HOXC13: variants seen among roughly 807,000 people sequenced by gnomAD.
The protein encoded by HOXC13 is homeobox protein Hox-C13.
Under a neutral mutation model 25.9 loss-of-function variants are expected in HOXC13, and 10 were observed. The ratio of observed to expected loss-of-function variants is 0.39; its 90% confidence interval spans 0.24 to 0.65. The LOEUF is 0.65. HOXC13 is among the 30% of genes least tolerant of loss of function. The probability of loss-of-function intolerance (pLI) is 0.50; values close to 1 mark genes in which losing one functional copy is unlikely to be tolerated. For missense variants in HOXC13, 439 were observed against 478.3 expected (o/e 0.92, Z 0.77); for synonymous variants, 233 against 217.1 (o/e 1.07, Z -0.64).
At chr12:53,944,845 A>C (rs1352057656) in intron 1 of HOXC13, among the ~76,000 whole-genome samples, 155 bp from the exon 2 acceptor site, 3 of 152,214 alleles carry the variant, frequency 2.0e-5, no homozygotes, top group African/African-American at 4.8e-5. Context: ...TGCTAAAATA[A>C]CAGAAATGAA....
Position 53,945,194 on chromosome 12 carries a change from C to G in HOXC13, c.931C>G (p.Arg311Gly). Residue 311 changes from arginine to glycine, a missense_variant, in exon 2 of 2, where the codon CGG (arginine) becomes GGG (glycine). Physicochemically the swap from Arg to Gly is moderately radical, Grantham distance 125. Transcript: ENST00000243056. The surrounding 1 kb of genome is among the most constrained non-coding windows in gnomAD (Gnocchi z 4.4). ...CCAGGTAACCATCTGGTTCCAGAAC[C>G]GGCGGGTCAAAGAGAAGAAGGTGGT... ...ERQVTIWFQN[R>G]RVKEKKVVSK... 6.2e-7 allele frequency: 1 copy of G among 1,614,174 alleles called. No homozygotes were observed. Among genetic ancestry groups the G allele is most frequent in the Non-Finnish European group, 8.5e-7 (1 of 1,180,032 alleles).
At chr12:53,942,177 TTTTTTTTTTTTTTTGA>T (rs1938622424) in intron 1 of HOXC13, among the ~76,000 whole-genome samples, 2 of 78,048 alleles carry the variant, frequency 2.6e-5, no homozygotes, top group Admixed American at 1.4e-4. Context: ...TTTTTTTTTT[TTTTTTTTTTTTTTTGA>T]GAGAGAGAGA....
chr12:53,941,433 G>A (rs1337078502), intron 1 of HOXC13, among the ~76,000 whole-genome samples: 1 of 152,234 alleles, frequency 6.6e-6, no homozygotes, highest in African/African-American at 2.4e-5. Flanking sequence ...AATGTGCAAT[G>A]GGTTTAGTGT....
intron 1 of HOXC13, among the ~76,000 whole-genome samples, chr12:53,940,457 C>A (rs1006734925): frequency 6.6e-6 from 1 of 152,214 alleles, no homozygotes; most frequent in African/African-American, 2.4e-5. Flanking sequence ...CTGTTCAAGA[C>A]CTGTTCAGGG....
chr12:53,942,154 C>CTTTTTTTTTTTTTTTTTT (rs56678098), intron 1 of HOXC13, among the ~76,000 whole-genome samples: 1 of 39,336 alleles, frequency 2.5e-5, no homozygotes, highest in African/African-American at 1.2e-4. Flanking sequence ...TGAGTGTAGA[C>CTTTTTTTTTTTTTTTTTT]TTTTTTTTTT....
In HOXC13 at chr12:53,945,371, A is replaced by C. The variant is rs1938677147; in HGVS notation, c.*115A>C. 2.3e-6 allele frequency: 3 copies of C among 1,294,134 alleles called. 1 individual carries two copies. In the Admixed American group the frequency reaches 6.3e-5, roughly 27 times the overall value. 80.2% of individuals were successfully genotyped at this position (1,294,134 alleles called of 1,614,324 possible). ...GTATTTAATGTTAAGGAAAGAGAAG[A>C]ACCGCGCCGCCCGGAGGCAGAGAGG... On this transcript the variant is annotated 3_prime_UTR_variant, in exon 2 of 2. Coordinates refer to ENST00000243056, the MANE Select transcript of HOXC13 (RefSeq NM_017410.3). The surrounding 1 kb of genome is among the most constrained non-coding windows in gnomAD (Gnocchi z 4.4).
chr12:53,943,439 G>T (rs1938643344), intron 1 of HOXC13, among the ~76,000 whole-genome samples: 1 of 152,100 alleles, frequency 6.6e-6, no homozygotes, highest in Admixed American at 6.5e-5. Context: ...TTAACCTAAA[G>T]GATCCATACT....
At position 53,939,170 on chromosome 12, in the gene HOXC13, T is replaced by C. The variant is rs993169503; in HGVS notation, c.264T>C (p.Pro88=). The C allele has an allele frequency of 1.5e-5, 23 of 1,498,694 alleles. No individual in the cohort carries two copies. Among genetic ancestry groups the C allele is most frequent in the East Asian group, 7.9e-5 (3 of 37,998 alleles). 92.8% of individuals were successfully genotyped at this position (1,498,694 alleles called of 1,614,324 possible). ...LGRPPAPLGA[P]QGAVYTDIPA... ...GCCCGCCGGCTCCCCTGGGCGCCCC[T>C]CAGGGCGCCGTCTATACGGACATCC... The change falls in exon 1 of 2, where the codon CCT becomes CCC. Residue 88 remains proline (P), a synonymous_variant. Coordinates refer to ENST00000243056, the MANE Select transcript of HOXC13 (RefSeq NM_017410.3). The surrounding 1 kb of genome is among the most constrained non-coding windows in gnomAD (Gnocchi z 6.7).
Position 53,939,898 on chromosome 12 carries a change from T to C in HOXC13, c.736+256T>C, listed in dbSNP as rs12581319. ...GAAAGCCGGGCCGCCGGCTCTGCTCTGTCCGGTAGCTCGCCTCCGCCTCCC... is the reference window on the plus strand; with the variant it reads ...GAAAGCCGGGCCGCCGGCTCTGCTCCGTCCGGTAGCTCGCCTCCGCCTCCC... On this transcript the variant is annotated intron_variant, in intron 1 of 1. Coordinates refer to ENST00000243056, the MANE Select transcript of HOXC13 (RefSeq NM_017410.3). This position sits in a 1 kb window ranked among gnomAD's most constrained non-coding sequence, Gnocchi z 6.7. Among the ~76,000 whole-genome samples, 23,122 of 152,276 alleles carry C rather than the reference T, an allele frequency of 0.15. 1,892 individuals are homozygous for C. The highest frequency in any genetic ancestry group is 0.32 in the South Asian group (1,567 of 4,822).
Position 53,945,960 on chromosome 12 carries a change from TC to T in HOXC13, c.*708del, listed in dbSNP as rs1456443538. 3.9e-5 allele frequency: 9 copies of T among 231,744 alleles called. No individual in the cohort carries two copies. The highest frequency in any genetic ancestry group is 2.0e-4 in the African/African-American group (9 of 45,278). 14.4% of individuals were successfully genotyped at this position (231,744 alleles called of 1,614,324 possible). On this transcript the variant is annotated 3_prime_UTR_variant, in exon 2 of 2. Coordinates refer to ENST00000243056, the MANE Select transcript of HOXC13 (RefSeq NM_017410.3). The surrounding 1 kb of genome is among the most constrained non-coding windows in gnomAD (Gnocchi z 4.4). ...TGGGAGCTGCCTTTGCCCCACTGCC[TC>T]CCCTGTTCTGCTCTCTCAGTCAACA...
Position 53,944,988 on chromosome 12 carries a change from A to G in HOXC13, c.737-12A>G, listed in dbSNP as rs1364601098. The G allele has an allele frequency of 6.2e-7, 1 of 1,612,498 alleles. No homozygotes were observed. The highest frequency in any genetic ancestry group is 8.5e-7 in the Non-Finnish European group (1 of 1,179,454). ...TGCCTCACTTCTTCCCGCTTGCCTT[A>G]TCTCCCCGCAGACGTGGTTCCCCTG... On this transcript the variant is annotated splice_polypyrimidine_tract_variant and intron_variant, in intron 1 of 1. Coordinates refer to ENST00000243056, the MANE Select transcript of HOXC13 (RefSeq NM_017410.3).
chr12:53,943,572 G>C (rs1220541780), intron 1 of HOXC13, among the ~76,000 whole-genome samples: 1 of 94,600 alleles, frequency 1.1e-5, no homozygotes, highest in African/African-American at 3.3e-5. Context: ...ACAGTCAAAT[G>C]AGGCCATTGG....
intron 1 of HOXC13, among the ~76,000 whole-genome samples, chr12:53,942,577 C>T (rs1004170813): frequency 1.3e-5 from 2 of 152,170 alleles, no homozygotes; most frequent in Non-Finnish European, 2.9e-5. Flanking sequence ...TGGAGGGAGA[C>T]TAGGGAAGGG....
chr12:53,946,433 T>C lies in HOXC13; in HGVS notation c.*1177T>C, dbSNP rs1210159148. 4 of 215,530 alleles carry C rather than the reference T, an allele frequency of 1.9e-5. No individual in the cohort carries two copies. Among genetic ancestry groups the C allele is most frequent in the African/African-American group, 4.5e-5 (2 of 44,348 alleles). The allele number at this position is 215,530 out of a possible 1,614,324, so 13.4% of individuals were successfully genotyped here. On this transcript the variant is annotated 3_prime_UTR_variant, in exon 2 of 2. Transcript: ENST00000243056. ...ATCAGGAATAGGCTTTTTTAAAAAA[T>C]GTTGTGTATCTGTATATAGTATTGT...
chr12:53,939,351 C>T lies in HOXC13; in HGVS notation c.445C>T (p.Pro149Ser), dbSNP rs371276587. 3 of 1,605,086 alleles carry T rather than the reference C, an allele frequency of 1.9e-6. No homozygotes were observed. The African/African-American group carries it at 4.0e-5, about 21-fold the overall frequency. ...GCAGCAGAAGCCTTGCGCCTACCAC[C>T]CGGGCGATAAATACCCGGAGCCGTC... ...NLQQKPCAYH[P>S]GDKYPEPSGA... Residue 149 changes from proline to serine, a missense_variant, in exon 1 of 2, where the codon CCG (proline) becomes TCG (serine). Coordinates refer to ENST00000243056, the MANE Select transcript of HOXC13 (RefSeq NM_017410.3). The surrounding 1 kb of genome is among the most constrained non-coding windows in gnomAD (Gnocchi z 6.7).
At position 53,945,274 on chromosome 12, in the gene HOXC13, G is replaced by T; in HGVS notation, c.*18G>T. The T allele has an allele frequency of 6.2e-7, 1 of 1,613,064 alleles. No homozygotes were observed. The highest frequency in any genetic ancestry group is 8.5e-7 in the Non-Finnish European group (1 of 1,179,360). ...CCACCTGACCACCCACCCGCTGCTT[G>T]CCCCATCTATTTATGTCTCCGCTTT... On this transcript the variant is annotated 3_prime_UTR_variant, in exon 2 of 2. Coordinates refer to ENST00000243056, the MANE Select transcript of HOXC13 (RefSeq NM_017410.3). This position sits in a 1 kb window ranked among gnomAD's most constrained non-coding sequence, Gnocchi z 4.4.
intron 1 of HOXC13, among the ~76,000 whole-genome samples, chr12:53,942,198 G>T: frequency 9.7e-6 from 1 of 103,032 alleles, no homozygotes; most frequent in Non-Finnish European, 1.7e-5. Context: ...TTTTGAGAGA[G>T]AGAGAGAAGC....
chr12:53,938,878 G>A lies in HOXC13; in HGVS notation c.-29G>A. 6.5e-7 allele frequency: 1 copy of A among 1,528,086 alleles called. No homozygotes were observed. The highest frequency in any genetic ancestry group is 8.7e-7 in the Non-Finnish European group (1 of 1,145,302). The allele number at this position is 1,528,086 out of a possible 1,614,324, so 94.7% of individuals were successfully genotyped here. Reference sequence around the variant, plus strand: ...TAGCTCGCTGCCTCTGGCAAGTGGAGTTTTTAAAAAGCTCCAGCAGATCAT... The same window carrying A: ...TAGCTCGCTGCCTCTGGCAAGTGGAATTTTTAAAAAGCTCCAGCAGATCAT... On this transcript the variant is annotated 5_prime_UTR_variant, in exon 1 of 2. Transcript: ENST00000243056.
Position 53,939,317 on chromosome 12 carries a change from C to A in HOXC13, c.411C>A (p.Asn137Lys), listed in dbSNP as rs986240638. 1.3e-6 allele frequency: 2 copies of A among 1,589,516 alleles called. No homozygotes were observed. The highest frequency in any genetic ancestry group is 3.5e-5 in the Admixed American group (2 of 56,838). The change falls in exon 1 of 2, where the codon AAC becomes AAA. Residue 137 changes from asparagine (N) to lysine (K), a missense_variant. Coordinates refer to ENST00000243056, the MANE Select transcript of HOXC13 (RefSeq NM_017410.3). This position sits in a 1 kb window ranked among gnomAD's most constrained non-coding sequence, Gnocchi z 6.7. ...GSYYGCRLSH[N>K]VNLQQKPCAY... ...ACTACGGCTGCCGCCTGTCGCACAA[C>A]GTGAACCTGCAGCAGAAGCCTTGCG...
Sources: allele counts gnomAD v4.1 joint callset (sites outside exome capture counted in the v4.1 genomes callset), GRCh38; gene constraint gnomAD v4.1.1; non-coding constraint Gnocchi (gnomAD v3.1); transcripts MANE v1.5; gene names NCBI Gene and HGNC (gene_info 2026-07-23, HGNC 2026-07-21).